The following SLC25A33 variants were observed in gnomAD, a reference collection of about 807,000 sequenced individuals.
The protein encoded by SLC25A33 is bone marrow stromal cell mitochondrial carrier protein.
SLC25A33 carries 15 observed loss-of-function variants against 35.5 expected under a neutral mutation model. That is an observed-to-expected ratio of 0.42 (90% CI 0.28 to 0.65). SLC25A33 has a LOEUF of 0.65. SLC25A33 is among the 30% of genes least tolerant of loss of function. SLC25A33 has a pLI of 0.20. For missense variants in SLC25A33, 257 were observed against 398.5 expected, an observed-to-expected ratio of 0.64 and a Z score of 3.02; for synonymous variants, 136 against 148.7, an observed-to-expected ratio of 0.91 and a Z score of 0.62.
At position 9,539,575 on chromosome 1, in the gene SLC25A33, G is replaced by T. The variant is rs1396975308; in HGVS notation, c.-117G>T. On this transcript the variant is annotated 5_prime_UTR_variant, in exon 1 of 7. Transcript: ENST00000302692. ...TTGGAGCCCGCGCGCGCATGGAGGCGTTGCCGGCAGCCCCCTGAGGGCAGC... is the reference window on the plus strand; with the variant it reads ...TTGGAGCCCGCGCGCGCATGGAGGCTTTGCCGGCAGCCCCCTGAGGGCAGC... The T allele has an allele frequency of 6.5e-6, 5 of 765,130 alleles. No homozygotes were observed. The African/African-American group carries it at 9.3e-5, about 14-fold the overall frequency. 47.4% of individuals were successfully genotyped at this position (765,130 alleles called of 1,614,324 possible). A position where few individuals can be genotyped will look rare whatever the true frequency, so the allele number is the denominator to read the frequency against.
At chr1:9,561,912 G>C (rs1271347018) in intron 2 of SLC25A33, among the ~76,000 whole-genome samples, 2 of 152,112 alleles carry the variant, frequency 1.3e-5, no homozygotes, top group Admixed American at 1.3e-4. Context: ...TTTTAGTTCA[G>C]ACAGCTCGAT....
In SLC25A33 at chr1:9,555,353, C is replaced by T. The variant is rs1019397709; in HGVS notation, c.236+1548C>T. Among the ~76,000 whole-genome samples the T allele has an allele frequency of 4.6e-5, 7 of 151,914 alleles. 1 individual carries two copies. Among genetic ancestry groups the T allele is most frequent in the East Asian group, 1.9e-4 (1 of 5,144 alleles). On this transcript the variant is annotated intron_variant, in intron 2 of 6. Transcript: ENST00000302692. ...CAGGATGGTCTCGATTTCCTGACCT[C>T]GTGATCCGCCCACCTTGACCTCCCA...
At chr1:9,560,273 G>GA (rs540141779) in intron 2 of SLC25A33, among the ~76,000 whole-genome samples, 3 of 147,686 alleles carry the variant, frequency 2.0e-5, no homozygotes, top group African/African-American at 7.5e-5. Flanking sequence ...AAAGAGAAAA[G>GA]AAAAAAAACC....
At chr1:9,570,392 T>C (rs1643572507) in intron 4 of SLC25A33, 34 bp downstream of exon 4, 2 of 1,552,274 alleles carry the variant, frequency 1.3e-6, no homozygotes, top group Non-Finnish European at 1.8e-6. Flanking sequence ...AGAGGGTCTC[T>C]CTCTCACTTT....
chr1:9,577,792 A>C (rs1403254209), intron 5 of SLC25A33, among the ~76,000 whole-genome samples: 1 of 152,052 alleles, frequency 6.6e-6, no homozygotes, highest in Non-Finnish European at 1.5e-5. Flanking sequence ...AACTTAGGTG[A>C]GTGTTTTTGG....
chr1:9,567,165 G>T (rs1643520548), intron 2 of SLC25A33, 119 bp from the exon 3 acceptor site: 2 of 820,394 alleles, frequency 2.4e-6, no homozygotes, highest in Non-Finnish European at 4.0e-6. Flanking sequence ...TAAGAGTCGA[G>T]CTTGACATCT....
At chr1:9,581,693 G>A (rs2100417389) in intron 6 of SLC25A33, among the ~76,000 whole-genome samples, 1 of 147,522 alleles carries the variant, frequency 6.8e-6, no homozygotes, top group Non-Finnish European at 1.5e-5. Context: ...CGTACCGACT[G>A]CACTCCAGCC....
At chr1:9,558,101 A>G (rs922972870) in intron 2 of SLC25A33, among the ~76,000 whole-genome samples, 11 of 152,360 alleles carry the variant, frequency 7.2e-5, no homozygotes, top group African/African-American at 2.6e-4. Context: ...AGAAGAGGAC[A>G]TGCAGGTTAA....
intron 1 of SLC25A33, among the ~76,000 whole-genome samples, chr1:9,547,851 ATTTTGT>A (rs757973516): frequency 3.5e-4 from 48 of 136,502 alleles, no homozygotes; most frequent in Non-Finnish European, 5.3e-4. Flanking sequence ...TTTTGTTTTG[ATTTTGT>A]TTTTGTTTTT....
At position 9,539,710 on chromosome 1, in the gene SLC25A33, CAGA is replaced by C. The variant is rs1402496134; in HGVS notation, c.22_24del (p.Lys8del). The C allele has an allele frequency of 2.5e-5, 35 of 1,401,332 alleles. No individual in the cohort carries two copies. The highest frequency in any genetic ancestry group is 3.1e-5 in the Non-Finnish European group (33 of 1,076,462). 86.8% of individuals were successfully genotyped at this position (1,401,332 alleles called of 1,614,324 possible). On this transcript the variant is annotated inframe_deletion, in exon 1 of 7. Coordinates refer to ENST00000302692, the MANE Select transcript of SLC25A33 (RefSeq NM_032315.3). ...CGCGGCCATGGCGACGGGCGGCCAG[CAGA>C]AGGAGAACACGCTGCTTCACCTCTT...
intron 3 of SLC25A33, 128 bp from the exon 4 acceptor site, chr1:9,570,130 G>A (rs960487149): frequency 1.3e-6 from 1 of 746,088 alleles, no homozygotes; most frequent in Non-Finnish European, 2.1e-6. Flanking sequence ...GCACAGGCGA[G>A]GACAAGCTTT....
In SLC25A33 at chr1:9,579,978, T is replaced by TA. The variant is rs761623937; in HGVS notation, c.508dup (p.Thr170AsnfsTer19). 6.2e-7 allele frequency: 1 copy of TA among 1,613,594 alleles called. No homozygotes were observed. Among genetic ancestry groups the TA allele is most frequent in the Admixed American group, 1.7e-5 (1 of 59,906 alleles). On this transcript the variant is annotated frameshift_variant, in exon 6 of 7. Transcript: ENST00000302692. LOFTEE classifies it high-confidence loss of function. ...GAGTGAGGGGCTCTAAGCAGATGAA[T>TA]ACACTCCAGTGTGCTCGTTACGTTT...
intron 1 of SLC25A33, among the ~76,000 whole-genome samples, chr1:9,549,682 GCGAGAT>G (rs1462916829): frequency 1.4e-5 from 2 of 146,336 alleles, no homozygotes; most frequent in African/African-American, 5.1e-5. Flanking sequence ...GTGCAGTTAT[GCGAGAT>G]CGGCTCACTG....
chr1:9,568,113 CAGAT>C (rs759284604), intron 3 of SLC25A33, among the ~76,000 whole-genome samples: 86 of 152,292 alleles, frequency 5.6e-4, no homozygotes, highest in Non-Finnish European at 9.3e-4. Context: ...GTAACAGAGA[CAGAT>C]AGAGAATAGC....
chr1:9,561,671 G>A (rs1240688101), intron 2 of SLC25A33, among the ~76,000 whole-genome samples: 1 of 152,074 alleles, frequency 6.6e-6, no homozygotes, highest in African/African-American at 2.4e-5. Flanking sequence ...TGAGTCACTT[G>A]AGGACACGAG....
At chr1:9,542,196 T>C (rs552255109) in intron 1 of SLC25A33, among the ~76,000 whole-genome samples, 1 of 152,244 alleles carries the variant, frequency 6.6e-6, no homozygotes. Flanking sequence ...GATGGCCCTG[T>C]CTTGTTGAAT....
chr1:9,564,758 A>G (rs193035235), intron 2 of SLC25A33, among the ~76,000 whole-genome samples: 2,805 of 139,554 alleles, frequency 0.02, 73 homozygotes, highest in Non-Finnish European at 0.032. Context: ...ATATATATAT[A>G]TATATATACA....
chr1:9,584,819 A>T lies in SLC25A33; in HGVS notation c.*2318A>T, dbSNP rs1340190907. The T allele has an allele frequency of 1.3e-5, 2 of 152,166 alleles. No individual in the cohort carries two copies. The highest frequency in any genetic ancestry group is 4.8e-5 in the African/African-American group (2 of 41,410). The allele number at this position is 152,166 out of a possible 1,614,324, so 9.4% of individuals were successfully genotyped here. ...AACCTCAAACTCCTGGGCACAAGGG[A>T]TCCTCGCATCTCAGCCTCCCAAGTA... is the stretch of plus-strand genomic sequence containing the variant. On this transcript the variant is annotated 3_prime_UTR_variant, in exon 7 of 7. Transcript: ENST00000302692.
chr1:9,581,909 G>A lies in SLC25A33; in HGVS notation c.764-390G>A, dbSNP rs560240502. On this transcript the variant is annotated intron_variant, in intron 6 of 6. Transcript: ENST00000302692. The stretch of plus-strand genomic sequence containing the variant: ...GGGAAATAGACACAGTTGTAACCTT[G>A]ACAATTTTATTTTATTTATTTATTT... Among the ~76,000 whole-genome samples, 7 of 152,110 alleles carry A rather than the reference G, an allele frequency of 4.6e-5. 1 individual carries two copies. Among genetic ancestry groups the A allele is most frequent in the African/African-American group, 1.7e-4 (7 of 41,524 alleles).
Sources: allele counts gnomAD v4.1 joint callset (sites outside exome capture counted in the v4.1 genomes callset), GRCh38; gene constraint gnomAD v4.1.1; transcripts MANE v1.5; gene names NCBI Gene and HGNC (gene_info 2026-07-23, HGNC 2026-07-21).